The following HECW2 variants were observed in gnomAD, a reference collection of about 807,000 sequenced individuals.
HECW2 encodes E3 ubiquitin-protein ligase HECW2.
Under a neutral mutation model 175.2 loss-of-function variants are expected in HECW2, and 61 were observed. The ratio of observed to expected loss-of-function variants is 0.35; its 90% CI spans 0.28 to 0.43. The LOEUF (loss-of-function observed/expected upper bound fraction) is 0.43, where lower values mean the gene tolerates loss of function less well. Ranked by LOEUF, HECW2 falls within the 20% of genes least tolerant of loss-of-function variation. HECW2 has a pLI of 1.00. For synonymous variants in HECW2, 671 were observed against 731.0 expected (o/e 0.92, Z 1.32); for missense variants, 1,524 against 2,000.5 (o/e 0.76, Z 4.54).
intron 21 of HECW2, among the ~76,000 whole-genome samples, chr2:196,232,889 T>C (rs1456788713): frequency 6.6e-6 from 1 of 152,250 alleles, no homozygotes; most frequent in African/African-American, 2.4e-5. Context: ...GTCAAGTTTT[T>C]ATCTGCTGAC....
At chr2:196,536,127 AATT>A (rs1689012829) in intron 1 of HECW2, among the ~76,000 whole-genome samples, 1 of 152,170 alleles carries the variant, frequency 6.6e-6, no homozygotes. Flanking sequence ...AATAAATACC[AATT>A]TTTCTAAATG....
chr2:196,337,580 T>A lies in HECW2; in HGVS notation c.401-3062A>T, dbSNP rs903882844. 1.4e-3 allele frequency among the ~76,000 whole-genome samples: 217 copies of A among 150,178 alleles called. 1 individual carries two copies. Among genetic ancestry groups the A allele is most frequent in the African/African-American group, 2.7e-3 (110 of 40,974 alleles). On this transcript the variant is annotated intron_variant, in intron 3 of 28. Coordinates refer to ENST00000644978, the MANE Select transcript of HECW2 (RefSeq NM_001348768.2). ...TATGGGAAAAAAATAAAAAAATATA[T>A]ATATATAAAATATATATTTGTATAG...
intron 15 of HECW2, among the ~76,000 whole-genome samples, chr2:196,275,676 C>T (rs1575340480): frequency 6.6e-6 from 1 of 151,746 alleles, no homozygotes; most frequent in Non-Finnish European, 1.5e-5. Flanking sequence ...CTCTTGAACC[C>T]GGGAGGTGGT....
chr2:196,523,102 A>G (rs1006022498), intron 1 of HECW2, among the ~76,000 whole-genome samples: 3 of 151,832 alleles, frequency 2.0e-5, no homozygotes, highest in African/African-American at 7.3e-5. Context: ...GATTCTTCCT[A>G]CCCATGAGCA....
chr2:196,353,354 T>C (rs1256297283), intron 2 of HECW2, among the ~76,000 whole-genome samples: 1 of 152,246 alleles, frequency 6.6e-6, no homozygotes, highest in Non-Finnish European at 1.5e-5. Context: ...CTTTGCTCAA[T>C]TTCCTATCCA....
At chr2:196,377,827 C>A (rs1467106969) in intron 2 of HECW2, among the ~76,000 whole-genome samples, 1 of 152,178 alleles carries the variant, frequency 6.6e-6, no homozygotes, top group African/African-American at 2.4e-5. Context: ...TTCTTACCAG[C>A]AGATTAAGTC....
chr2:196,363,422 C>CGAA (rs1444956268), intron 2 of HECW2, among the ~76,000 whole-genome samples: 4 of 151,920 alleles, frequency 2.6e-5, no homozygotes, highest in African/African-American at 9.7e-5. Context: ...TAAACCCAAG[C>CGAA]TCTTTTAAGA....
chr2:196,400,955 A>G (rs1346506770), intron 2 of HECW2, among the ~76,000 whole-genome samples: 1 of 152,256 alleles, frequency 6.6e-6, no homozygotes, highest in Admixed American at 6.5e-5. Context: ...CTAATCATTC[A>G]GCAGACTTGT....
At chr2:196,329,491 G>GA in intron 5 of HECW2, 84 bp downstream of exon 5, 1 of 1,110,018 alleles carries the variant, frequency 9.0e-7, no homozygotes, top group Non-Finnish European at 1.4e-6. Context: ...TATCATATAC[G>GA]AAAGTCTGCA....
chr2:196,485,001 T>C (rs574830473), intron 1 of HECW2, among the ~76,000 whole-genome samples: 29 of 152,134 alleles, frequency 1.9e-4, no homozygotes, highest in African/African-American at 5.8e-4. Flanking sequence ...ATCAACCCAG[T>C]ATGGTTGGAG....
chr2:196,299,450 T>G (rs1690948874), intron 13 of HECW2, among the ~76,000 whole-genome samples: 1 of 152,100 alleles, frequency 6.6e-6, no homozygotes, highest in Non-Finnish European at 1.5e-5. Flanking sequence ...ATGCAAAATC[T>G]CTTTATCCTA....
At chr2:196,580,049 A>C (rs1690714282) in intron 1 of HECW2, among the ~76,000 whole-genome samples, 1 of 152,234 alleles carries the variant, frequency 6.6e-6, no homozygotes, top group African/African-American at 2.4e-5. Context: ...GTATCAGACA[A>C]AATAGACTTT....
At chr2:196,532,716 C>T (rs1254585695) in intron 1 of HECW2, among the ~76,000 whole-genome samples, 1 of 152,114 alleles carries the variant, frequency 6.6e-6, no homozygotes, top group Non-Finnish European at 1.5e-5. Flanking sequence ...TCCACACTGG[C>T]TACAATGACC....
intron 14 of HECW2, chr2:196,292,280 A>C (rs1235470562): frequency 1.3e-5 from 4 of 309,694 alleles, no homozygotes; most frequent in South Asian, 9.4e-5. Context: ...CCTTTTCTCT[A>C]ATCAGCAGAG....
intron 28 of HECW2, among the ~76,000 whole-genome samples, chr2:196,205,940 G>A (rs1335501277): frequency 1.3e-5 from 2 of 152,042 alleles, no homozygotes; most frequent in Non-Finnish European, 2.9e-5. Context: ...GGAATAGTGT[G>A]GTTAAATAAA....
chr2:196,390,917 T>C (rs1575492422), intron 2 of HECW2, among the ~76,000 whole-genome samples: 1 of 152,146 alleles, frequency 6.6e-6, no homozygotes, highest in East Asian at 1.9e-4. Context: ...GCGAGCTCAA[T>C]TTCCTTATTA....
chr2:196,269,786 A>G (rs1219397066), intron 17 of HECW2, among the ~76,000 whole-genome samples: 4 of 152,244 alleles, frequency 2.6e-5, no homozygotes. Context: ...ACAATGTGAT[A>G]CATTTCATGA....
intron 1 of HECW2, among the ~76,000 whole-genome samples, chr2:196,498,844 A>T (rs1320459337): frequency 6.6e-6 from 1 of 152,194 alleles, no homozygotes; most frequent in Non-Finnish European, 1.5e-5. Context: ...TATAGAAAAC[A>T]TCCCTACTGT....
intron 13 of HECW2, among the ~76,000 whole-genome samples, chr2:196,293,982 T>C (rs1690707104): frequency 6.6e-6 from 1 of 152,228 alleles, no homozygotes; most frequent in African/African-American, 2.4e-5. Flanking sequence ...GCTTGGTGAA[T>C]GGAATAGCAG....
Sources: allele counts gnomAD v4.1 joint callset (sites outside exome capture counted in the v4.1 genomes callset), GRCh38; gene constraint gnomAD v4.1.1; transcripts MANE v1.5; gene names NCBI Gene and HGNC (gene_info 2026-07-23, HGNC 2026-07-21).